The following PTPN4 variants were observed in gnomAD, a reference collection of about 807,000 sequenced individuals.
PTPN4 encodes tyrosine-protein phosphatase non-receptor type 4.
A neutral mutation model predicts 135.5 loss-of-function variants in PTPN4; 49 were observed. The observed-to-expected ratio is 0.36, with a 90% CI of 0.29 to 0.46. PTPN4 has a LOEUF of 0.46. PTPN4 is among the 20% of genes least tolerant of loss of function. The probability of loss-of-function intolerance (pLI) is 1.00; values close to 1 mark genes in which losing one functional copy is unlikely to be tolerated. For synonymous variants in PTPN4, 333 were observed against 369.9 expected, an observed-to-expected ratio of 0.90 and a Z score of 1.14; for missense variants, 860 against 1,101.0, an observed-to-expected ratio of 0.78 and a Z score of 3.10.
At chr2:119,800,571 G>GCTAATTT (rs1691344239) in intron 1 of PTPN4, among the ~76,000 whole-genome samples, 1 of 150,158 alleles carries the variant, frequency 6.7e-6, no homozygotes, top group Non-Finnish European at 1.5e-5. Flanking sequence ...TGATGATATA[G>GCTAATTT]CTAATTTGTC....
intron 22 of PTPN4, among the ~76,000 whole-genome samples, chr2:119,960,093 G>A (rs900492027): frequency 6.6e-6 from 1 of 152,062 alleles, no homozygotes; most frequent in African/African-American, 2.4e-5. Flanking sequence ...CCCTGAGAAG[G>A]CTATATGACA....
chr2:119,902,868 G>T (rs541411842), intron 10 of PTPN4, among the ~76,000 whole-genome samples: 2 of 152,238 alleles, frequency 1.3e-5, no homozygotes, highest in East Asian at 3.9e-4. Flanking sequence ...CCATGGCATT[G>T]TTTCAGAGAG....
chr2:119,971,122 C>G (rs796635904), intron 26 of PTPN4, among the ~76,000 whole-genome samples: 1 of 152,300 alleles, frequency 6.6e-6, no homozygotes, highest in African/African-American at 2.4e-5. Context: ...TTAATTGACT[C>G]ACAGTTCCCC....
At chr2:119,923,928 C>G (rs10187836) in intron 12 of PTPN4, among the ~76,000 whole-genome samples, 52,406 of 151,746 alleles carry the variant, frequency 0.35, 9,602 homozygotes, top group African/African-American at 0.47. Context: ...ACGAGGTCAG[C>G]AGATCGAGAC....
intron 14 of PTPN4, among the ~76,000 whole-genome samples, chr2:119,933,662 CAA>C (rs34318106): frequency 7.9e-4 from 63 of 80,244 alleles, no homozygotes; most frequent in Admixed American, 1.1e-3. Flanking sequence ...GACCCTGTCT[CAA>C]AAAAAAAAAA....
At chr2:119,773,892 G>A (rs928017627) in intron 1 of PTPN4, among the ~76,000 whole-genome samples, 3 of 152,050 alleles carry the variant, frequency 2.0e-5, no homozygotes, top group African/African-American at 7.2e-5. Flanking sequence ...ACCATACATG[G>A]TATCATTTGC....
intron 1 of PTPN4, among the ~76,000 whole-genome samples, chr2:119,784,074 A>G (rs562897136): frequency 6.6e-6 from 1 of 152,228 alleles, no homozygotes; most frequent in Admixed American, 6.5e-5. Context: ...AGCATGTTAG[A>G]AGCTGGGTTC....
intron 15 of PTPN4, among the ~76,000 whole-genome samples, chr2:119,941,069 C>G (rs891196969): frequency 6.6e-6 from 1 of 152,142 alleles, no homozygotes; most frequent in East Asian, 1.9e-4. Flanking sequence ...CAAATTGCAT[C>G]ATGTCTCTTC....
At chr2:119,763,562 C>T (rs761778690) in intron 1 of PTPN4, among the ~76,000 whole-genome samples, 14 of 152,188 alleles carry the variant, frequency 9.2e-5, no homozygotes, top group Non-Finnish European at 1.8e-4. Flanking sequence ...TAGGCTCATA[C>T]TTCTAGTAAG....
At chr2:119,953,776 T>C (rs1007575344) in intron 19 of PTPN4, among the ~76,000 whole-genome samples, 1 of 152,150 alleles carries the variant, frequency 6.6e-6, no homozygotes, top group Non-Finnish European at 1.5e-5. Context: ...ATTCTAGAGC[T>C]GAAGATACTT....
intron 10 of PTPN4, among the ~76,000 whole-genome samples, chr2:119,906,249 G>A (rs1678486047): frequency 6.6e-6 from 1 of 152,074 alleles, no homozygotes; most frequent in Non-Finnish European, 1.5e-5. Context: ...CATGCCTGTA[G>A]TCCTGGGTAC....
intron 26 of PTPN4, among the ~76,000 whole-genome samples, chr2:119,969,979 C>T (rs770463369): frequency 9.9e-5 from 15 of 152,134 alleles, no homozygotes; most frequent in Admixed American, 2.0e-4. Context: ...AAAATTCAGC[C>T]GCTTAAAGTA....
chr2:119,944,949 A>G, intron 15 of PTPN4, 132 bp from the exon 16 acceptor site: 4 of 675,840 alleles, frequency 5.9e-6, no homozygotes, highest in Non-Finnish European at 9.0e-6. Flanking sequence ...AATTTTCATT[A>G]AAAAGTGGCA....
chr2:119,803,461 G>A (rs551715692), intron 1 of PTPN4, among the ~76,000 whole-genome samples: 5 of 152,236 alleles, frequency 3.3e-5, no homozygotes, highest in African/African-American at 1.2e-4. Flanking sequence ...TAGTTTCTAC[G>A]TGTTTGGAGA....
At chr2:119,847,151 T>G (rs1558743639) in intron 2 of PTPN4, among the ~76,000 whole-genome samples, 1 of 148,538 alleles carries the variant, frequency 6.7e-6, no homozygotes, top group African/African-American at 2.5e-5. Flanking sequence ...CCACTATAAT[T>G]ATATACATAT....
At chr2:119,872,787 C>T (rs1042769269) in intron 3 of PTPN4, among the ~76,000 whole-genome samples, 4 of 152,092 alleles carry the variant, frequency 2.6e-5, no homozygotes, top group African/African-American at 9.7e-5. Context: ...AGAAAATAGG[C>T]TTCAAATAAT....
At chr2:119,873,983 T>C (rs1162927394) in intron 3 of PTPN4, among the ~76,000 whole-genome samples, 1 of 152,136 alleles carries the variant, frequency 6.6e-6, no homozygotes, top group African/African-American at 2.4e-5. Flanking sequence ...AAAATGTATG[T>C]CCACACAAAA....
At chr2:119,927,619 A>G (rs1678845085) in intron 13 of PTPN4, among the ~76,000 whole-genome samples, 1 of 152,208 alleles carries the variant, frequency 6.6e-6, no homozygotes, top group South Asian at 2.1e-4. Context: ...AAATTTAAGG[A>G]ACGTTTTGTA....
intron 26 of PTPN4, among the ~76,000 whole-genome samples, chr2:119,975,999 A>ATT (rs70949379): frequency 8.5e-6 from 1 of 117,548 alleles, no homozygotes. Flanking sequence ...TTATTTATTT[A>ATT]TTTTTTTTTT....
Sources: allele counts gnomAD v4.1 joint callset (sites outside exome capture counted in the v4.1 genomes callset), GRCh38; gene constraint gnomAD v4.1.1; transcripts MANE v1.5; gene names NCBI Gene and HGNC (gene_info 2026-07-23, HGNC 2026-07-21).